SENP6: variants seen among roughly 807,000 people sequenced by gnomAD.
SENP6 encodes sentrin-specific protease 6.
Under a neutral mutation model 134.5 loss-of-function variants are expected in SENP6, and 41 were observed. That is an observed-to-expected ratio of 0.30 (90% CI 0.24 to 0.40). The LOEUF (loss-of-function observed/expected upper bound fraction) is 0.40, where lower values mean the gene tolerates loss of function less well. Ranked by LOEUF, SENP6 falls within the 10% of genes least tolerant of loss-of-function variation. The probability of loss-of-function intolerance (pLI) is 1.00; values close to 1 mark genes in which losing one functional copy is unlikely to be tolerated. For missense variants in SENP6, 1,248 were observed against 1,312.5 expected (o/e 0.95, Z 0.76); for synonymous variants, 395 against 429.8 (o/e 0.92, Z 1.00).
intron 9 of SENP6, among the ~76,000 whole-genome samples, chr6:75,664,813 C>T (rs906999090): frequency 1.1e-4 from 16 of 152,154 alleles, no homozygotes; most frequent in Non-Finnish European, 1.5e-5. Flanking sequence ...AATGCTTTTT[C>T]TGTGTCAGGC....
chr6:75,602,171 G>A lies in SENP6; in HGVS notation c.-354G>A, dbSNP rs992946394. ...CATTCTCCTTTCTTGGGAACCCACG[G>A]CTGGGGGAAGTTTCTCAGGCAGCCT... On this transcript the variant is annotated 5_prime_UTR_variant, in exon 1 of 24. Transcript: ENST00000447266. 3 of 237,472 alleles carry A rather than the reference G, an allele frequency of 1.3e-5. No individual in the cohort carries two copies. The highest frequency in any genetic ancestry group is 5.7e-5 in the Admixed American group (1 of 17,448). 14.7% of individuals were successfully genotyped at this position (237,472 alleles called of 1,614,324 possible). A position where few individuals can be genotyped will look rare whatever the true frequency, so the allele number is the denominator to read the frequency against.
intron 7 of SENP6, among the ~76,000 whole-genome samples, chr6:75,657,801 A>G (rs559732405): frequency 3.9e-4 from 59 of 152,308 alleles, no homozygotes; most frequent in South Asian, 2.7e-3. Context: ...CAGCTTCTTA[A>G]CAAAGAAGAG....
intron 3 of SENP6, among the ~76,000 whole-genome samples, chr6:75,626,600 C>T (rs1190345485): frequency 1.3e-5 from 2 of 151,994 alleles, no homozygotes; most frequent in Non-Finnish European, 2.9e-5. Context: ...TCACTAAAAC[C>T]TTGTGCATAG....
At chr6:75,705,103 A>G (rs1211966900) in intron 19 of SENP6, among the ~76,000 whole-genome samples, 1 of 152,170 alleles carries the variant, frequency 6.6e-6, no homozygotes, top group African/African-American at 2.4e-5. Flanking sequence ...ATACATTCCA[A>G]TTAAAGCTTG....
At chr6:75,619,236 C>G (rs1017455143) in intron 1 of SENP6, among the ~76,000 whole-genome samples, 2 of 152,142 alleles carry the variant, frequency 1.3e-5, no homozygotes, top group Non-Finnish European at 2.9e-5. Flanking sequence ...CTCCATTTCT[C>G]TACTTCCTTT....
At chr6:75,694,526 T>C (rs1774521859) in intron 16 of SENP6, among the ~76,000 whole-genome samples, 1 of 152,228 alleles carries the variant, frequency 6.6e-6, no homozygotes, top group Non-Finnish European at 1.5e-5. Flanking sequence ...AGAAGCCTAG[T>C]ACCCATTAGC....
intron 2 of SENP6, chr6:75,623,005 T>C (rs1768389577): frequency 3.8e-6 from 1 of 264,376 alleles, no homozygotes; most frequent in Non-Finnish European, 7.4e-6. Flanking sequence ...TTAAGCTGCA[T>C]AGAAAATATA....
At chr6:75,655,250 CT>C (rs1771224762) in intron 7 of SENP6, 1 of 152,316 alleles carries the variant, frequency 6.6e-6, no homozygotes, top group South Asian at 2.1e-4. Context: ...CCAGTTACCC[CT>C]GGCGATCAAT....
intron 1 of SENP6, 121 bp from the exon 2 acceptor site, chr6:75,621,411 A>T: frequency 1.6e-6 from 1 of 625,882 alleles, no homozygotes; most frequent in Non-Finnish European, 2.8e-6. Context: ...CAAAAAATAG[A>T]CAAAGGCAAC....
At chr6:75,708,008 C>T (rs1488549167) in intron 19 of SENP6, among the ~76,000 whole-genome samples, 1 of 152,080 alleles carries the variant, frequency 6.6e-6, no homozygotes, top group Admixed American at 6.6e-5. Context: ...ATTGGTTTAT[C>T]GGTTATTTTA....
chr6:75,674,620 C>G (rs566275676), intron 11 of SENP6, among the ~76,000 whole-genome samples: 23 of 152,304 alleles, frequency 1.5e-4, no homozygotes, highest in Non-Finnish European at 5.9e-5. Flanking sequence ...AGTACCCATG[C>G]TTAATGTCCC....
intron 6 of SENP6, among the ~76,000 whole-genome samples, chr6:75,644,947 C>T (rs1770320121): frequency 6.6e-6 from 1 of 152,196 alleles, no homozygotes; most frequent in Non-Finnish European, 1.5e-5. Context: ...TTATTTCAAA[C>T]TTAGTTTACT....
intron 16 of SENP6, among the ~76,000 whole-genome samples, chr6:75,695,147 A>G (rs1774568820): frequency 6.6e-6 from 1 of 152,078 alleles, no homozygotes; most frequent in Non-Finnish European, 1.5e-5. Context: ...AAGTGCTGAC[A>G]TTACAGGCAT....
chr6:75,613,133 G>GA (rs1767590238), intron 1 of SENP6, among the ~76,000 whole-genome samples: 2 of 150,254 alleles, frequency 1.3e-5, no homozygotes, highest in African/African-American at 4.9e-5. Context: ...AAAAAGAAAA[G>GA]AAAACTATGA....
chr6:75,697,788 G>A, intron 18 of SENP6: 1 of 300,684 alleles, frequency 3.3e-6, no homozygotes, highest in Non-Finnish European at 6.1e-6. Flanking sequence ...AAAATATGGT[G>A]CTTATTGTCT....
intron 6 of SENP6, 140 bp from the exon 7 acceptor site, chr6:75,647,591 T>G (rs138596712): frequency 9.9e-5 from 45 of 453,644 alleles, no homozygotes; most frequent in African/African-American, 8.6e-4. Flanking sequence ...TATAGTTTTG[T>G]TATTTTATAG....
rs373476931 is a variant in SENP6, at chr6:75,715,595, C to T, written c.*1C>T. ...ATATGTCAATAGTATCTCAGATTGA[C>T]CATTTCTGTTACTTGTCATTTCTAC... On this transcript the variant is annotated 3_prime_UTR_variant, in exon 24 of 24. Transcript: ENST00000447266. The T allele has an allele frequency of 3.1e-6, 5 of 1,599,810 alleles. No individual in the cohort carries two copies. Among genetic ancestry groups the T allele is most frequent in the African/African-American group, 2.7e-5 (2 of 74,244 alleles).
At chr6:75,670,198 C>T (rs1392403026) in intron 10 of SENP6, among the ~76,000 whole-genome samples, 2 of 152,134 alleles carry the variant, frequency 1.3e-5, no homozygotes, top group African/African-American at 4.8e-5. Context: ...CCGCCCATCT[C>T]GGCCTCCCAA....
chr6:75,709,101 A>C (rs1775596835), intron 19 of SENP6, among the ~76,000 whole-genome samples: 1 of 152,188 alleles, frequency 6.6e-6, no homozygotes, highest in South Asian at 2.1e-4. Context: ...TTATAAAATT[A>C]TGCAGTTGCA....
Sources: allele counts gnomAD v4.1 joint callset (sites outside exome capture counted in the v4.1 genomes callset), GRCh38; gene constraint gnomAD v4.1.1; transcripts MANE v1.5; gene names NCBI Gene and HGNC (gene_info 2026-07-23, HGNC 2026-07-21).